The following ME1 variants were observed in gnomAD, a reference collection of about 807,000 sequenced individuals.
ME1 encodes the protein malic enzyme 1, also known as NADP-dependent malic enzyme.
In ME1, 74 loss-of-function variants were observed where a neutral mutation model predicts 66.4. The ratio of observed to expected loss-of-function variants is 1.11; its 90% CI spans 0.92 to 1.35. The LOEUF (loss-of-function observed/expected upper bound fraction) is 1.35, where lower values mean the gene tolerates loss of function less well. ME1 is among the 40% of genes most tolerant of loss of function. ME1 has a pLI of 0.00. For synonymous variants in ME1, 251 were observed against 235.6 expected, an observed-to-expected ratio of 1.07 and a Z score of -0.60; for missense variants, 750 against 694.1, an observed-to-expected ratio of 1.08 and a Z score of -0.90.
chr6:83,387,699 T>C (rs1206359581), intron 3 of ME1, among the ~76,000 whole-genome samples: 1 of 152,170 alleles, frequency 6.6e-6, no homozygotes, highest in Non-Finnish European at 1.5e-5. Flanking sequence ...AAATGCATTA[T>C]TAAATGTAGG....
At chr6:83,397,092 T>A (rs1769747264) in intron 3 of ME1, among the ~76,000 whole-genome samples, 1 of 152,156 alleles carries the variant, frequency 6.6e-6, no homozygotes, top group African/African-American at 2.4e-5. Flanking sequence ...TGTTTTTAGA[T>A]ATGACCCCAG....
At chr6:83,227,272 C>T (rs1790214107) in intron 11 of ME1, 63 bp downstream of exon 11, 3 of 1,212,044 alleles carry the variant, frequency 2.5e-6, no homozygotes, top group East Asian at 2.8e-5. Flanking sequence ...CTTAGATATC[C>T]TAGGCCTCCC....
chr6:83,228,812 G>A lies in ME1; in HGVS notation c.1132+14C>T. 2 of 1,534,856 alleles carry A rather than the reference G, an allele frequency of 1.3e-6. No individual in the cohort carries two copies. The highest frequency in any genetic ancestry group is 2.3e-5 in the South Asian group (2 of 86,242). On this transcript the variant is annotated intron_variant, in intron 10 of 13. Coordinates refer to ENST00000369705, the MANE Select transcript of ME1 (RefSeq NM_002395.6). The stretch of plus-strand genomic sequence containing the variant: ...ATAAGGGGTAGGGGAGAAGGGAGAG[G>A]AGAAAATGCTTACCTATGAGGGCAG...
At chr6:83,363,370 C>T (rs1769041694) in intron 3 of ME1, among the ~76,000 whole-genome samples, 1 of 152,126 alleles carries the variant, frequency 6.6e-6, no homozygotes, top group South Asian at 2.1e-4. Context: ...GATGATTGAC[C>T]TGGACGATCA....
In ME1 at chr6:83,253,665, G is replaced by A. The variant is rs546194192; in HGVS notation, c.778C>T (p.Arg260Ter). The change falls in exon 7 of 14, where the codon CGA becomes TGA. Residue 260 changes from arginine to a stop codon, truncating the protein, a stop_gained. Transcript: ENST00000369705. LOFTEE classifies it high-confidence loss of function. The stretch of plus-strand genomic sequence containing the variant: ...TCATTGAATGTGCAATACTGGTTTC[G>A]ATACTTGTTCAGGAGACGAAATGCA... Reference protein sequence around the residue: ...VNAFRLLNKYRNQYCTFNDDI... With the variant: ...VNAFRLLNKY The A allele has an allele frequency of 1.7e-5, 27 of 1,610,986 alleles. No individual in the cohort carries two copies. The East Asian group carries it at 2.5e-4, about 15-fold the overall frequency.
intron 6 of ME1, among the ~76,000 whole-genome samples, chr6:83,292,528 G>A (rs927175925): frequency 1.3e-5 from 2 of 152,212 alleles, no homozygotes; most frequent in African/African-American, 2.4e-5. Context: ...TGTATGAGGT[G>A]TCTGTCAGCC....
chr6:83,361,133 G>C (rs1769000302), intron 3 of ME1, among the ~76,000 whole-genome samples: 2 of 152,354 alleles, frequency 1.3e-5, no homozygotes, highest in Middle Eastern at 3.4e-3. Flanking sequence ...ATTGCATCCA[G>C]TGAGTAAGAA....
At chr6:83,217,295 C>T (rs1236637103) in intron 12 of ME1, among the ~76,000 whole-genome samples, 1 of 152,104 alleles carries the variant, frequency 6.6e-6, no homozygotes, top group African/African-American at 2.4e-5. Context: ...TCAGCTTATA[C>T]CTAGGCCTTT....
At chr6:83,237,351 A>AAAAGAAAGAAAG (rs374053623) in intron 9 of ME1, among the ~76,000 whole-genome samples, 3 of 118,824 alleles carry the variant, frequency 2.5e-5, no homozygotes, top group East Asian at 2.8e-4. Context: ...GAAAGAAAGA[A>AAAAGAAAGAAAG]AAAGAAAGAA....
intron 3 of ME1, among the ~76,000 whole-genome samples, chr6:83,376,728 G>A (rs1466252029): frequency 2.0e-5 from 3 of 148,698 alleles, no homozygotes; most frequent in Non-Finnish European, 4.4e-5. Flanking sequence ...ACCTGAACAT[G>A]GGAGGCAGAG....
chr6:83,272,295 T>TG (rs1767097150), intron 6 of ME1, among the ~76,000 whole-genome samples: 1 of 151,810 alleles, frequency 6.6e-6, no homozygotes, highest in Non-Finnish European at 1.5e-5. Flanking sequence ...AACACTCTCA[T>TG]GAAATCCTAA....
intron 4 of ME1, among the ~76,000 whole-genome samples, chr6:83,351,790 A>T (rs1213140119): frequency 1.3e-5 from 2 of 152,220 alleles, no homozygotes; most frequent in Non-Finnish European, 2.9e-5. Context: ...GCTTAAAGAA[A>T]TTCAGATGCT....
At chr6:83,285,359 T>C (rs1442153653) in intron 6 of ME1, among the ~76,000 whole-genome samples, 1 of 152,130 alleles carries the variant, frequency 6.6e-6, no homozygotes, top group Admixed American at 6.6e-5. Flanking sequence ...TAACAAATTA[T>C]AGTGAGTGCT....
At chr6:83,311,378 C>T (rs568737544) in intron 6 of ME1, among the ~76,000 whole-genome samples, 89 of 152,210 alleles carry the variant, frequency 5.8e-4, no homozygotes, top group African/African-American at 2.0e-3. Flanking sequence ...CAGGATTTAA[C>T]ATGTGGCAAG....
At chr6:83,305,375 G>A (rs1767805439) in intron 6 of ME1, among the ~76,000 whole-genome samples, 1 of 152,136 alleles carries the variant, frequency 6.6e-6, no homozygotes, top group Admixed American at 6.6e-5. Flanking sequence ...AAACAAGGGT[G>A]ATCAGGAGAG....
At chr6:83,326,177 T>C (rs1016217753) in intron 5 of ME1, among the ~76,000 whole-genome samples, 5 of 151,814 alleles carry the variant, frequency 3.3e-5, no homozygotes, top group Admixed American at 6.6e-5. Context: ...ATAAATGGTG[T>C]TGGGAAAACT....
chr6:83,302,940 T>C lies in ME1; in HGVS notation c.704+12370A>G, dbSNP rs570090808. ...TCCTGAATACTTATTAATATGATCC[T>C]AAAGAAAATCAGAAGTTACCGAGAT... On this transcript the variant is annotated intron_variant, in intron 6 of 13. Coordinates refer to ENST00000369705, the MANE Select transcript of ME1 (RefSeq NM_002395.6). Among the ~76,000 whole-genome samples the C allele has an allele frequency of 3.0e-4, 46 of 152,214 alleles. 2 individuals carry two copies. In the South Asian group the frequency reaches 8.3e-3, roughly 27 times the overall value.
At chr6:83,253,569 T>C (rs941350002) in intron 7 of ME1, 60 bp downstream of exon 7, 2 of 854,724 alleles carry the variant, frequency 2.3e-6, no homozygotes, top group African/African-American at 3.3e-5. Flanking sequence ...GAATCATTAT[T>C]ACAATTATGA....
rs145489070 is a variant in ME1, at chr6:83,341,723, G to T, written c.600+4450C>A. On this transcript the variant is annotated intron_variant, in intron 5 of 13. Transcript: ENST00000369705. ...GTCTGGAGGCGGGGAATCTAAGGCC[G>T]TTTTGCACTGACTTCCTGGAACAAA... Among the ~76,000 whole-genome samples the T allele has an allele frequency of 5.3e-5, 8 of 152,074 alleles. No homozygotes were observed. In the South Asian group the frequency reaches 1.7e-3, roughly 32 times the overall value.
Sources: allele counts gnomAD v4.1 joint callset (sites outside exome capture counted in the v4.1 genomes callset), GRCh38; gene constraint gnomAD v4.1.1; transcripts MANE v1.5; gene names NCBI Gene and HGNC (gene_info 2026-07-23, HGNC 2026-07-21).